The following FBXO25 variants were observed in gnomAD, a reference collection of about 807,000 sequenced individuals.
The protein encoded by FBXO25 is F-box protein 25, also known as F-box only protein 25.
In FBXO25, 45 loss-of-function variants were observed where a neutral mutation model predicts 51.9. That is an observed-to-expected ratio of 0.87 (90% CI 0.68 to 1.11). The LOEUF is 1.11. Ranked by LOEUF, FBXO25 falls within the 50% of genes most tolerant of loss-of-function variation. The pLI is 0.00. For synonymous variants in FBXO25, 199 were observed against 151.0 expected (o/e 1.32, Z -2.33); for missense variants, 507 against 428.5 (o/e 1.18, Z -1.62).
At chr8:454,697 C>T (rs916876472) in intron 7 of FBXO25, among the ~76,000 whole-genome samples, 2 of 152,088 alleles carry the variant, frequency 1.3e-5, no homozygotes, top group Non-Finnish European at 2.9e-5. Flanking sequence ...AGAGACCATG[C>T]TGGCTAACAC....
chr8:429,383 A>G (rs910698735), intron 2 of FBXO25, among the ~76,000 whole-genome samples: 2 of 152,040 alleles, frequency 1.3e-5, no homozygotes, highest in African/African-American at 4.8e-5. Flanking sequence ...ACATTTTTTA[A>G]TCAAGTTGTT....
rs1247342921 is a variant in FBXO25, at chr8:474,592, C to G, written c.*5788C>G. 2 of 389,282 alleles carry G rather than the reference C, an allele frequency of 5.1e-6. No individual in the cohort carries two copies. The highest frequency in any genetic ancestry group is 4.0e-5 in the South Asian group (2 of 50,172). 24.1% of individuals were successfully genotyped at this position (389,282 alleles called of 1,614,324 possible). The stretch of plus-strand genomic sequence containing the variant: ...CATCCTAATGAGTGTGAAGTGGTAT[C>G]CTGCTGAGATTTTGATTTGCATTTC... On this transcript the variant is annotated 3_prime_UTR_variant, in exon 10 of 10. Transcript: ENST00000350302.
intron 5 of FBXO25, among the ~76,000 whole-genome samples, chr8:439,422 A>G (rs1798292904): frequency 6.6e-6 from 1 of 152,216 alleles, no homozygotes; most frequent in South Asian, 2.1e-4. Context: ...ATCTGTAGGA[A>G]AAAAGTTTTC....
chr8:435,323 T>G (rs1036177046), intron 4 of FBXO25: 1 of 409,132 alleles, frequency 2.4e-6, no homozygotes, highest in Admixed American at 4.4e-5. Context: ...CACACCCCAG[T>G]TTGTCCCCAA....
chr8:413,947 T>G (rs535684533), intron 2 of FBXO25, among the ~76,000 whole-genome samples: 1 of 152,094 alleles, frequency 6.6e-6, no homozygotes, highest in South Asian at 2.1e-4. Flanking sequence ...ACCACAGTGG[T>G]GTTTGAGAAT....
chr8:475,175 G>T lies in FBXO25; in HGVS notation c.*6371G>T, dbSNP rs980390406. The T allele has an allele frequency of 3.0e-6, 1 of 334,612 alleles. No individual in the cohort carries two copies. The highest frequency in any genetic ancestry group is 5.7e-6 in the Non-Finnish European group (1 of 174,932). The allele number at this position is 334,612 out of a possible 1,614,324, so 20.7% of individuals were successfully genotyped here. On this transcript the variant is annotated 3_prime_UTR_variant, in exon 10 of 10. Transcript: ENST00000350302. Reference sequence around the variant, plus strand: ...TCTAGCTTCATGTGGATGTCCACTTGTCTAGCACCATTTGTTGAAAAGACT... The same window carrying T: ...TCTAGCTTCATGTGGATGTCCACTTTTCTAGCACCATTTGTTGAAAAGACT...
At chr8:452,463 T>C (rs561464771) in intron 7 of FBXO25, among the ~76,000 whole-genome samples, 214 of 152,352 alleles carry the variant, frequency 1.4e-3, no homozygotes, top group Non-Finnish European at 2.6e-3. Context: ...GTAAGACACT[T>C]ATGCATGGCA....
intron 5 of FBXO25, among the ~76,000 whole-genome samples, chr8:437,504 G>A (rs980939681): frequency 6.6e-6 from 1 of 152,170 alleles, no homozygotes; most frequent in Non-Finnish European, 1.5e-5. Flanking sequence ...TCCTGAAGTC[G>A]CTCTGGACCT....
intron 5 of FBXO25, among the ~76,000 whole-genome samples, chr8:448,147 G>C (rs938939584): frequency 6.6e-6 from 1 of 152,148 alleles, no homozygotes. Context: ...TTTATCACTG[G>C]AATCTTCAAA....
chr8:460,547 T>C (rs537642572), intron 8 of FBXO25, among the ~76,000 whole-genome samples: 2 of 152,334 alleles, frequency 1.3e-5, no homozygotes, highest in East Asian at 3.9e-4. Context: ...AAAACTGGAC[T>C]GGTTCAAGAT....
chr8:429,905 T>A (rs1163224925), intron 2 of FBXO25, among the ~76,000 whole-genome samples: 6 of 152,218 alleles, frequency 3.9e-5, no homozygotes, highest in Admixed American at 3.9e-4. Context: ...AGGCCCAGAT[T>A]CACAGGAGGA....
intron 4 of FBXO25, among the ~76,000 whole-genome samples, chr8:434,353 G>T (rs1253842610): frequency 6.6e-6 from 1 of 152,186 alleles, no homozygotes; most frequent in Non-Finnish European, 1.5e-5. Flanking sequence ...AGTGCCTGCT[G>T]CACCATCGTG....
intron 9 of FBXO25, among the ~76,000 whole-genome samples, chr8:467,342 A>C (rs917124858): frequency 5.3e-5 from 8 of 152,202 alleles, no homozygotes; most frequent in Admixed American, 4.6e-4. Flanking sequence ...AACTTTCCCC[A>C]AAAAAATCTG....
chr8:435,499 A>G, intron 4 of FBXO25, 116 bp from the exon 5 acceptor site: 2 of 1,070,104 alleles, frequency 1.9e-6, no homozygotes, highest in Non-Finnish European at 2.7e-6. Context: ...TCAGTCTTCA[A>G]AATAAAAACA....
At position 472,847 on chromosome 8, in the gene FBXO25, C is replaced by G. The variant is rs1271045802; in HGVS notation, c.*4043C>G. 4 of 152,224 alleles carry G rather than the reference C, an allele frequency of 2.6e-5. No homozygotes were observed. The highest frequency in any genetic ancestry group is 9.6e-5 in the African/African-American group (4 of 41,452). The allele number at this position is 152,224 out of a possible 1,614,324, so 9.4% of individuals were successfully genotyped here. A position where few individuals can be genotyped will look rare whatever the true frequency, so the allele number is the denominator to read the frequency against. On this transcript the variant is annotated 3_prime_UTR_variant, in exon 10 of 10. Coordinates refer to ENST00000350302, the MANE Select transcript of FBXO25 (RefSeq NM_183420.2). ...TATCAAAAGGAAGGGGTGCTGCCCT[C>G]TGAGAAAAGTCAGAAGCAAGCCTGC...
intron 9 of FBXO25, among the ~76,000 whole-genome samples, chr8:467,477 T>C (rs1197396798): frequency 1.3e-5 from 2 of 152,238 alleles, no homozygotes; most frequent in Non-Finnish European, 2.9e-5. Flanking sequence ...GGTAGAGATA[T>C]GTTGTCTTAA....
At chr8:466,897 C>T (rs1270475029) in intron 9 of FBXO25, among the ~76,000 whole-genome samples, 1 of 152,154 alleles carries the variant, frequency 6.6e-6, no homozygotes, top group Non-Finnish European at 1.5e-5. Flanking sequence ...CCCGGCTGTA[C>T]AAAACCTCAG....
At position 407,804 on chromosome 8, in the gene FBXO25, A is replaced by G. The variant is rs1350955526; in HGVS notation, c.-8+738A>G. On this transcript the variant is annotated intron_variant, in intron 1 of 9. Coordinates refer to ENST00000350302, the MANE Select transcript of FBXO25 (RefSeq NM_183420.2). ...CTGTCTCCTCCCTTAATTTCTTTCC[A>G]TGCTTATTTTTCTTGCAGCAGACAC... is the stretch of plus-strand genomic sequence containing the variant. Among the ~76,000 whole-genome samples, 4 of 150,820 alleles carry G rather than the reference A, an allele frequency of 2.7e-5. No homozygotes were observed. The East Asian group carries it at 7.8e-4, about 30-fold the overall frequency.
intron 1 of FBXO25, among the ~76,000 whole-genome samples, chr8:411,185 C>A (rs888176444): frequency 6.6e-6 from 1 of 152,172 alleles, no homozygotes; most frequent in Non-Finnish European, 1.5e-5. Context: ...TAATACATTA[C>A]AGAAACCACT....
Sources: gnomAD v4.1 joint callset for allele counts (sites outside exome capture counted in the v4.1 genomes callset) on GRCh38, gnomAD v4.1.1 for gene constraint, MANE v1.5 for transcripts, NCBI Gene and HGNC (gene_info 2026-07-23, HGNC 2026-07-21) for gene names.